Variants in ASIC5 observed in about 807,000 individuals in gnomAD.
ASIC5 encodes the protein acid sensing ion channel subunit family member 5.
In ASIC5, 52 loss-of-function variants were observed where a neutral mutation model predicts 51.2. That is an observed-to-expected ratio of 1.02 (90% CI 0.81 to 1.28). ASIC5 has a LOEUF of 1.28. Ranked by LOEUF, ASIC5 falls within the 50% of genes most tolerant of loss-of-function variation. The pLI is 0.00. For synonymous variants in ASIC5, 231 were observed against 200.7 expected (o/e 1.15, Z -1.28); for missense variants, 635 against 595.0 (o/e 1.07, Z -0.70).
In ASIC5 at chr4:155,848,068, G is replaced by A. The variant is rs140920578; in HGVS notation, c.711+4123C>T. Among the ~76,000 whole-genome samples, 710 of 151,958 alleles carry A rather than the reference G, an allele frequency of 4.7e-3. 25 individuals are homozygous for A. Among genetic ancestry groups the A allele is most frequent in the Admixed American group, 0.042 (645 of 15,254 alleles). On this transcript the variant is annotated intron_variant, in intron 4 of 9. Transcript: ENST00000537611. ...TTTTATAGATTGTTTACAAAATTTT[G>A]GAAAACAAATTTAATTGGCTTCATG...
intron 4 of ASIC5, among the ~76,000 whole-genome samples, chr4:155,851,510 A>G (rs559613971): frequency 3.9e-5 from 6 of 152,138 alleles, no homozygotes; most frequent in African/African-American, 1.4e-4. Flanking sequence ...TAAAACCATA[A>G]TAATAAAGTA....
At chr4:155,849,956 C>T (rs1318977466) in intron 4 of ASIC5, among the ~76,000 whole-genome samples, 1 of 151,950 alleles carries the variant, frequency 6.6e-6, no homozygotes, top group Non-Finnish European at 1.5e-5. Context: ...CTTCCTCCCA[C>T]TATTTTCTCT....
intron 4 of ASIC5, among the ~76,000 whole-genome samples, chr4:155,844,885 C>T (rs1482423935): frequency 6.6e-6 from 1 of 151,934 alleles, no homozygotes; most frequent in Non-Finnish European, 1.5e-5. Flanking sequence ...GGAGCCAACC[C>T]CTGCTGCATC....
intron 2 of ASIC5, among the ~76,000 whole-genome samples, chr4:155,856,639 T>C (rs1227672447): frequency 1.3e-5 from 2 of 152,190 alleles, no homozygotes; most frequent in East Asian, 3.9e-4. Flanking sequence ...GTCAAAAGTA[T>C]TTCTTGGATC....
At chr4:155,865,335 A>G (rs888140490) in intron 1 of ASIC5, among the ~76,000 whole-genome samples, 2 of 152,048 alleles carry the variant, frequency 1.3e-5, no homozygotes, top group Non-Finnish European at 2.9e-5. Context: ...AACAAGAAAA[A>G]AGTTATTGTT....
chr4:155,856,997 G>C (rs941369310), intron 2 of ASIC5, among the ~76,000 whole-genome samples: 1 of 151,942 alleles, frequency 6.6e-6, no homozygotes, highest in Non-Finnish European at 1.5e-5. Flanking sequence ...GAGACCATGA[G>C]AGTAATTTAT....
At chr4:155,856,879 AAAGGAAT>A (rs1464335099) in intron 2 of ASIC5, among the ~76,000 whole-genome samples, 1 of 152,100 alleles carries the variant, frequency 6.6e-6, no homozygotes, top group Non-Finnish European at 1.5e-5. Flanking sequence ...GCAGAGAAAT[AAAGGAAT>A]TACTATACAT....
intron 7 of ASIC5, among the ~76,000 whole-genome samples, chr4:155,838,505 C>A (rs1302417658): frequency 6.6e-6 from 1 of 152,050 alleles, no homozygotes; most frequent in South Asian, 2.1e-4. Context: ...CCTTTCTATT[C>A]TGTAGTATTT....
At chr4:155,846,253 T>C (rs886991820) in intron 4 of ASIC5, among the ~76,000 whole-genome samples, 14 of 152,122 alleles carry the variant, frequency 9.2e-5, no homozygotes, top group African/African-American at 3.4e-4. Flanking sequence ...TTTATGTTTA[T>C]TAATCAGGCT....
intron 4 of ASIC5, among the ~76,000 whole-genome samples, chr4:155,851,072 T>G (rs984871792): frequency 1.3e-5 from 2 of 152,058 alleles, no homozygotes; most frequent in Non-Finnish European, 2.9e-5. Context: ...CACTTAACTG[T>G]CTAGTCTGGA....
intron 2 of ASIC5, among the ~76,000 whole-genome samples, chr4:155,860,647 G>A (rs528215749): frequency 2.4e-4 from 36 of 151,772 alleles, no homozygotes; most frequent in African/African-American, 8.7e-4. Context: ...GAATTTTCCT[G>A]TTCTATCATT....
At chr4:155,853,584 AATATATAATATATACTAGTTATT>A (rs1028991925) in intron 3 of ASIC5, among the ~76,000 whole-genome samples, 2 of 2,596 alleles carry the variant, frequency 7.7e-4, no homozygotes, top group Admixed American at 6.8e-3. Context: ...TATTATATAT[AATATATAATATATACTAGTTATT>A]ATATATAATA....
At chr4:155,855,039 C>T (rs186678734) in intron 2 of ASIC5, among the ~76,000 whole-genome samples, 47 of 152,124 alleles carry the variant, frequency 3.1e-4, no homozygotes, top group Non-Finnish European at 4.9e-4. Context: ...AAAGAACAGG[C>T]GAAAGACTTA....
chr4:155,832,744 T>A (rs1740896705), intron 8 of ASIC5, among the ~76,000 whole-genome samples: 1 of 152,178 alleles, frequency 6.6e-6, no homozygotes, highest in Non-Finnish European at 1.5e-5. Context: ...GGAAAGCCCA[T>A]TTTTTATGTT....
intron 6 of ASIC5, among the ~76,000 whole-genome samples, chr4:155,841,583 TG>T (rs1258337874): frequency 6.6e-6 from 1 of 152,152 alleles, no homozygotes; most frequent in East Asian, 1.9e-4. Flanking sequence ...AGTTGCAAAT[TG>T]TATGAAAAGG....
At chr4:155,850,783 C>G (rs980291815) in intron 4 of ASIC5, among the ~76,000 whole-genome samples, 1 of 151,922 alleles carries the variant, frequency 6.6e-6, no homozygotes, top group African/African-American at 2.4e-5. Context: ...AATTCATTTT[C>G]CCATAAGAGT....
intron 8 of ASIC5, among the ~76,000 whole-genome samples, chr4:155,832,879 C>T (rs773495078): frequency 5.9e-5 from 9 of 152,056 alleles, no homozygotes; most frequent in Admixed American, 5.9e-4. Flanking sequence ...TTTCTGTTTC[C>T]AACTTTAGTG....
At chr4:155,853,536 T>C (rs1579294453) in intron 3 of ASIC5, among the ~76,000 whole-genome samples, 1 of 148,538 alleles carries the variant, frequency 6.7e-6, no homozygotes, top group East Asian at 2.0e-4. Flanking sequence ...TTTGTATTTG[T>C]TATGAGTGAA....
Position 155,843,941 on chromosome 4 carries a change from T to G in ASIC5, c.712-111A>C, listed in dbSNP as rs6536102. The G allele has an allele frequency of 3.9e-5, 37 of 941,112 alleles. 1 individual carries two copies. In the South Asian group the frequency reaches 5.7e-4, roughly 14 times the overall value. 58.3% of individuals were successfully genotyped at this position (941,112 alleles called of 1,614,324 possible). A position where few individuals can be genotyped will look rare whatever the true frequency, so the allele number is the denominator to read the frequency against. ...GATAGCGTTTGACTAATCCTAAATA[T>G]TTTATGTTATATTTCTATCTCTTTT... On this transcript the variant is annotated intron_variant, in intron 4 of 9. Transcript: ENST00000537611.
Sources: gnomAD v4.1 joint callset for allele counts (sites outside exome capture counted in the v4.1 genomes callset) on GRCh38, gnomAD v4.1.1 for gene constraint, MANE v1.5 for transcripts, NCBI Gene and HGNC (gene_info 2026-07-23, HGNC 2026-07-21) for gene names.